DNAH14: variants seen among roughly 807,000 people sequenced by gnomAD.
DNAH14 encodes the protein dynein axonemal heavy chain 14, also known as axonemal beta dynein heavy chain 14.
DNAH14 carries 478 observed loss-of-function variants against 520.9 expected under a neutral mutation model. The ratio of observed to expected loss-of-function variants is 0.92; its 90% CI spans 0.85 to 0.99. The LOEUF (loss-of-function observed/expected upper bound fraction) is 0.99, where lower values mean the gene tolerates loss of function less well. Ranked by LOEUF, DNAH14 falls within the 50% of genes least tolerant of loss-of-function variation. The pLI is 0.00. For missense variants in DNAH14, 4,831 were observed against 5,234.5 expected (o/e 0.92, Z 2.38); for synonymous variants, 1,581 against 1,757.2 (o/e 0.90, Z 2.51).
At position 225,144,646 on chromosome 1, in the gene DNAH14, C is replaced by G. The variant is rs1279720022; in HGVS notation, c.4740+18C>G. ...TAGCAAAAGTAAGTGGTTTCTGTATCCAGAATAAAAACTTTTTTCTTTTTC... is the reference window on the plus strand; with the variant it reads ...TAGCAAAAGTAAGTGGTTTCTGTATGCAGAATAAAAACTTTTTTCTTTTTC... On this transcript the variant is annotated intron_variant, in intron 29 of 85. Coordinates refer to ENST00000682510, the MANE Select transcript of DNAH14 (RefSeq NM_001367479.1). The G allele has an allele frequency of 6.6e-7, 1 of 1,525,824 alleles. No individual in the cohort carries two copies. Among genetic ancestry groups the G allele is most frequent in the Non-Finnish European group, 8.8e-7 (1 of 1,132,406 alleles). 94.5% of individuals were successfully genotyped at this position (1,525,824 alleles called of 1,614,324 possible). A position where few individuals can be genotyped will look rare whatever the true frequency, so the allele number is the denominator to read the frequency against.
intron 21 of DNAH14, among the ~76,000 whole-genome samples, chr1:225,093,005 G>A (rs2074543101): frequency 6.6e-6 from 1 of 151,696 alleles, no homozygotes; most frequent in Non-Finnish European, 1.5e-5. Context: ...GACCAGTAAT[G>A]AGTTCCAAAA....
intron 75 of DNAH14, among the ~76,000 whole-genome samples, chr1:225,364,265 G>T (rs565371832): frequency 1.3e-5 from 2 of 152,254 alleles, no homozygotes; most frequent in South Asian, 2.1e-4. Context: ...GGTTTTTAAA[G>T]TTCATTGATA....
intron 73 of DNAH14, among the ~76,000 whole-genome samples, chr1:225,355,229 G>A (rs2095416880): frequency 6.6e-6 from 1 of 152,190 alleles, no homozygotes; most frequent in Admixed American, 6.5e-5. Flanking sequence ...TCGTCTTGCT[G>A]TGTCCTCACA....
At chr1:225,348,426 T>C (rs1490542589) in intron 71 of DNAH14, among the ~76,000 whole-genome samples, 1 of 152,030 alleles carries the variant, frequency 6.6e-6, no homozygotes, top group African/African-American at 2.4e-5. Context: ...CAAGACACAT[T>C]ATAATCAAAC....
At chr1:225,318,801 T>C in intron 61 of DNAH14, 124 bp downstream of exon 61, 2 of 902,610 alleles carry the variant, frequency 2.2e-6, no homozygotes, top group Non-Finnish European at 3.2e-6. Context: ...TTAATCTTGG[T>C]TTAAGATTTT....
intron 31 of DNAH14, among the ~76,000 whole-genome samples, chr1:225,151,344 T>A (rs1422431314): frequency 6.7e-6 from 1 of 149,100 alleles, no homozygotes; most frequent in African/African-American, 2.4e-5. Flanking sequence ...GGTGGGGGGG[T>A]CACAGTAACA....
Position 225,346,441 on chromosome 1 carries a change from A to G in DNAH14, c.11098-15A>G. 2 of 1,539,420 alleles carry G rather than the reference A, an allele frequency of 1.3e-6. No individual in the cohort carries two copies. The highest frequency in any genetic ancestry group is 1.7e-6 in the Non-Finnish European group (2 of 1,143,994). On this transcript the variant is annotated splice_polypyrimidine_tract_variant and intron_variant, in intron 70 of 85. Transcript: ENST00000682510. ...TTTAATCTCACTGGATTAATATGTT[A>G]TATTTTCCCTATAGGTGGTTTCTTC...
In DNAH14 at chr1:225,324,213, T is replaced by A; in HGVS notation, c.9496-9T>A. 1 of 1,551,544 alleles carries A rather than the reference T, an allele frequency of 6.4e-7. No individual in the cohort carries two copies. The highest frequency in any genetic ancestry group is 1.2e-5 in the South Asian group (1 of 84,050). ...TTCTCATGTAATACATTAACTGTGT[T>A]CTCTCTAGGTTTTCGTGAAGCTAAA... On this transcript the variant is annotated splice_polypyrimidine_tract_variant and intron_variant, in intron 62 of 85. Coordinates refer to ENST00000682510, the MANE Select transcript of DNAH14 (RefSeq NM_001367479.1).
chr1:225,205,959 T>C lies in DNAH14; in HGVS notation c.5978-12T>C. The C allele has an allele frequency of 4.5e-6, 7 of 1,546,344 alleles. No homozygotes were observed. Among genetic ancestry groups the C allele is most frequent in the Middle Eastern group, 3.4e-4 (2 of 5,968 alleles). ...TTAGTCTCAGTTACATTAAAAATAT[T>C]TTTCTCTCCAGATTTTGATTGGCAG... On this transcript the variant is annotated splice_polypyrimidine_tract_variant and intron_variant, in intron 39 of 85. Transcript: ENST00000682510.
chr1:225,074,279 G>A (rs1038159931), intron 17 of DNAH14, among the ~76,000 whole-genome samples: 18 of 152,214 alleles, frequency 1.2e-4, no homozygotes, highest in Admixed American at 2.6e-4. Context: ...GATTACAGGC[G>A]TGAGCCACCG....
At chr1:225,082,195 T>TGTGTGTGTGTGTGTGC (rs1160515173) in intron 19 of DNAH14, among the ~76,000 whole-genome samples, 6 of 151,822 alleles carry the variant, frequency 4.0e-5, no homozygotes, top group Admixed American at 6.6e-5. Context: ...TGTGTGTGTG[T>TGTGTGTGTGTGTGTGC]GTGCACATGC....
intron 60 of DNAH14, among the ~76,000 whole-genome samples, chr1:225,310,721 G>A (rs899692024): frequency 6.6e-6 from 1 of 152,130 alleles, no homozygotes; most frequent in African/African-American, 2.4e-5. Context: ...TCTTGTGTTA[G>A]TTTGCTGAGA....
intron 39 of DNAH14, among the ~76,000 whole-genome samples, chr1:225,204,998 A>C (rs906692927): frequency 8.5e-5 from 13 of 152,146 alleles, no homozygotes; most frequent in Non-Finnish European, 1.9e-4. Flanking sequence ...TAGTGGCTAT[A>C]TGGATCCTAG....
intron 8 of DNAH14, among the ~76,000 whole-genome samples, chr1:224,976,276 A>G (rs1231883983): frequency 1.3e-5 from 2 of 150,840 alleles, no homozygotes; most frequent in Non-Finnish European, 3.0e-5. Context: ...ATTCCTGGGT[A>G]TCCTTGTTAA....
intron 66 of DNAH14, among the ~76,000 whole-genome samples, chr1:225,335,388 T>G (rs1315139359): frequency 1.9e-5 from 2 of 104,218 alleles, no homozygotes; most frequent in African/African-American, 4.0e-5. Context: ...TATATGCACA[T>G]ATACACATGT....
At chr1:224,936,390 C>G (rs1349091956) in intron 1 of DNAH14, among the ~76,000 whole-genome samples, 1 of 151,560 alleles carries the variant, frequency 6.6e-6, no homozygotes, top group African/African-American at 2.4e-5. Flanking sequence ...GGAGACACTA[C>G]AACTGATACC....
chr1:225,284,879 C>T (rs1407400037), intron 54 of DNAH14, among the ~76,000 whole-genome samples: 1 of 152,000 alleles, frequency 6.6e-6, no homozygotes. Context: ...GAATTAAAAG[C>T]AAAAACCACA....
intron 17 of DNAH14, among the ~76,000 whole-genome samples, chr1:225,072,736 T>A (rs1572868522): frequency 6.6e-6 from 1 of 152,242 alleles, no homozygotes; most frequent in African/African-American, 2.4e-5. Context: ...TCCTTAACAG[T>A]CTGGCCACTT....
intron 71 of DNAH14, among the ~76,000 whole-genome samples, chr1:225,347,407 C>T (rs955405594): frequency 1.3e-5 from 2 of 152,110 alleles, no homozygotes; most frequent in African/African-American, 4.8e-5. Flanking sequence ...TCATGCCTCC[C>T]CCTCTTTGTG....
Sources: allele counts gnomAD v4.1 joint callset (sites outside exome capture counted in the v4.1 genomes callset), GRCh38; gene constraint gnomAD v4.1.1; transcripts MANE v1.5; gene names NCBI Gene and HGNC (gene_info 2026-07-23, HGNC 2026-07-21).